The following SLC6A11 variants were observed in gnomAD, a reference collection of about 807,000 sequenced individuals.
SLC6A11 encodes solute carrier family 6 member 11.
A neutral mutation model predicts 74.8 loss-of-function variants in SLC6A11; 25 were observed. The observed-to-expected ratio is 0.33, with a 90% CI of 0.24 to 0.47. The LOEUF (loss-of-function observed/expected upper bound fraction) is 0.47. Ranked by LOEUF, SLC6A11 falls within the 20% of genes least tolerant of loss-of-function variation. SLC6A11 has a pLI of 1.00. For missense variants in SLC6A11, 574 were observed against 837.0 expected, an observed-to-expected ratio of 0.69 and a Z score of 3.88; for synonymous variants, 330 against 330.2, an observed-to-expected ratio of 1.00 and a Z score of 0.01.
At chr3:10,930,826 G>T (rs945226725) in intron 10 of SLC6A11, among the ~76,000 whole-genome samples, 3 of 152,062 alleles carry the variant, frequency 2.0e-5, no homozygotes, top group Non-Finnish European at 4.4e-5. Flanking sequence ...TCTGCCCAAG[G>T]GGTGTTTCAT....
chr3:10,875,624 T>C (rs1388304287), intron 6 of SLC6A11, among the ~76,000 whole-genome samples: 1 of 152,238 alleles, frequency 6.6e-6, no homozygotes, highest in Non-Finnish European at 1.5e-5. Flanking sequence ...TGATTGATTT[T>C]CTTTGTGGGA....
At chr3:10,856,610 G>T (rs185767176) in intron 5 of SLC6A11, among the ~76,000 whole-genome samples, 19 of 152,308 alleles carry the variant, frequency 1.2e-4, no homozygotes, top group Admixed American at 1.2e-3. Context: ...CCCAAAACTG[G>T]TGCGTTTCCC....
intron 8 of SLC6A11, among the ~76,000 whole-genome samples, chr3:10,922,497 A>G (rs886695823): frequency 6.6e-6 from 1 of 152,178 alleles, no homozygotes; most frequent in Non-Finnish European, 1.5e-5. Context: ...AAGAGAAAAT[A>G]TGTCTACTCA....
chr3:10,887,894 A>G (rs1242665504), intron 6 of SLC6A11, among the ~76,000 whole-genome samples: 2 of 152,260 alleles, frequency 1.3e-5, no homozygotes, highest in Non-Finnish European at 2.9e-5. Flanking sequence ...ATAGGGAATC[A>G]TAAGAAATAA....
intron 6 of SLC6A11, among the ~76,000 whole-genome samples, chr3:10,875,538 TA>T (rs796327176): frequency 5.2e-4 from 79 of 152,004 alleles, no homozygotes; most frequent in African/African-American, 1.6e-3. Flanking sequence ...AATTAAAAAT[TA>T]AAAAAAAATT....
Position 10,940,047 on chromosome 3 carries a change from A to G in SLC6A11, c.*1645A>G, listed in dbSNP as rs1315018413. ...TTTTGATTCACCCAAAAGTCTGCAA[A>G]CCCCCAGCATCTCTGCTCTGGCCAG... On this transcript the variant is annotated 3_prime_UTR_variant, in exon 14 of 14. Coordinates refer to ENST00000254488, the MANE Select transcript of SLC6A11 (RefSeq NM_014229.3). The G allele has an allele frequency of 1.3e-5, 2 of 151,996 alleles. No individual in the cohort carries two copies. The highest frequency in any genetic ancestry group is 4.8e-5 in the African/African-American group (2 of 41,334). The allele number at this position is 151,996 out of a possible 1,614,324, so 9.4% of individuals were successfully genotyped here.
At chr3:10,935,264 C>A in intron 13 of SLC6A11, 65 bp downstream of exon 13, 1 of 1,474,588 alleles carries the variant, frequency 6.8e-7, no homozygotes, top group South Asian at 1.2e-5. Context: ...CCAGTTTCCT[C>A]ATCTGCATGG....
chr3:10,930,087 C>A (rs1181403021), intron 10 of SLC6A11, among the ~76,000 whole-genome samples: 1 of 152,152 alleles, frequency 6.6e-6, no homozygotes, highest in African/African-American at 2.4e-5. Flanking sequence ...AATGAGGGAA[C>A]TCAGAATCAC....
chr3:10,873,428 T>TGG (rs1394457022), intron 5 of SLC6A11, among the ~76,000 whole-genome samples: 7 of 150,966 alleles, frequency 4.6e-5, no homozygotes, highest in Non-Finnish European at 5.9e-5. Flanking sequence ...TCCTATCCTA[T>TGG]CCTATCCTAT....
chr3:10,886,990 G>A (rs899194838), intron 6 of SLC6A11, among the ~76,000 whole-genome samples: 5 of 152,274 alleles, frequency 3.3e-5, no homozygotes, highest in East Asian at 1.9e-4. Flanking sequence ...TGTCTTATCC[G>A]CTGTGAACTT....
intron 4 of SLC6A11, among the ~76,000 whole-genome samples, chr3:10,827,042 G>T (rs1052762182): frequency 6.6e-6 from 1 of 152,144 alleles, no homozygotes; most frequent in East Asian, 1.9e-4. Context: ...ATACTAGTGG[G>T]ACACGCACCC....
rs544938653 is a variant in SLC6A11 at position 10,850,299 on chromosome 3, A to G, written c.756+5953A>G. On this transcript the variant is annotated intron_variant, in intron 5 of 13. Coordinates refer to ENST00000254488, the MANE Select transcript of SLC6A11 (RefSeq NM_014229.3). ...CTCCAGCCTTCCAGTCCCAAATGGG[A>G]TATTTCCCATGTCCACATGTTCACT... 2.0e-5 allele frequency among the ~76,000 whole-genome samples: 3 copies of G among 152,310 alleles called. No homozygotes were observed. In the South Asian group the frequency reaches 6.2e-4, roughly 32 times the overall value.
At chr3:10,916,377 G>A (rs187627844) in intron 7 of SLC6A11, among the ~76,000 whole-genome samples, 1 of 152,212 alleles carries the variant, frequency 6.6e-6, no homozygotes, top group Non-Finnish European at 1.5e-5. Context: ...CAGCACACAG[G>A]GGTTGACCAC....
At chr3:10,824,872 G>A (rs1694186401) in intron 4 of SLC6A11, 1 of 152,274 alleles carries the variant, frequency 6.6e-6, no homozygotes, top group South Asian at 2.1e-4. Context: ...ATCATATAAC[G>A]TAAAATTACT....
intron 4 of SLC6A11, chr3:10,825,637 A>G (rs1694198957): frequency 1.3e-5 from 2 of 152,120 alleles, no homozygotes; most frequent in South Asian, 4.1e-4. Flanking sequence ...AAGTTGAAAA[A>G]ATTTTCCATA....
chr3:10,923,321 C>G (rs147818105), intron 8 of SLC6A11, among the ~76,000 whole-genome samples: 1 of 150,568 alleles, frequency 6.6e-6, no homozygotes, highest in African/African-American at 2.4e-5. Context: ...CAAGGTGAAG[C>G]TAGAACATTT....
intron 3 of SLC6A11, among the ~76,000 whole-genome samples, chr3:10,822,953 C>T (rs1020656845): frequency 8.5e-5 from 13 of 152,190 alleles, no homozygotes; most frequent in Admixed American, 6.5e-4. Flanking sequence ...TATTCCACTA[C>T]AGCCCTTCAG....
intron 4 of SLC6A11, chr3:10,823,628 T>G (rs1575665042): frequency 2.1e-6 from 1 of 485,120 alleles, no homozygotes; most frequent in Middle Eastern, 5.7e-4. Flanking sequence ...GCATGCATAG[T>G]GGGTTATTAG....
In SLC6A11 at chr3:10,897,538, C is replaced by T. The variant is rs1278855916; in HGVS notation, c.892-14552C>T. Among the ~76,000 whole-genome samples, 3 of 152,346 alleles carry T rather than the reference C, an allele frequency of 2.0e-5. No individual in the cohort carries two copies. In the East Asian group the frequency reaches 5.8e-4, roughly 29 times the overall value. On this transcript the variant is annotated intron_variant, in intron 6 of 13. Coordinates refer to ENST00000254488, the MANE Select transcript of SLC6A11 (RefSeq NM_014229.3). ...CTGAAATCCAGCAGGGCAGTCAAAT[C>T]TTAAAGCTCCAAAATGATCTCCTTT...
Sources: gnomAD v4.1 joint callset for allele counts (sites outside exome capture counted in the v4.1 genomes callset) on GRCh38, gnomAD v4.1.1 for gene constraint, MANE v1.5 for transcripts, NCBI Gene and HGNC (gene_info 2026-07-23, HGNC 2026-07-21) for gene names.